The following SERINC2 variants were observed in gnomAD, a reference collection of about 807,000 sequenced individuals.
The protein encoded by SERINC2 is tumor differentially expressed protein 2.
In SERINC2, 56 loss-of-function variants were observed where a neutral mutation model predicts 54.2. The ratio of observed to expected loss-of-function variants is 1.03; its 90% CI spans 0.83 to 1.29. The LOEUF is 1.29. Among genes scored for constraint, SERINC2 ranks in the 50% most tolerant of loss-of-function variants. SERINC2 has a pLI of 0.00. For synonymous variants in SERINC2, 272 were observed against 253.1 expected, an observed-to-expected ratio of 1.07 and a Z score of -0.71; for missense variants, 614 against 607.4, an observed-to-expected ratio of 1.01 and a Z score of -0.12.
intron 4 of SERINC2, 108 bp from the exon 5 acceptor site, chr1:31,425,668 C>T: frequency 7.3e-7 from 1 of 1,374,898 alleles, no homozygotes; most frequent in Non-Finnish European, 1.0e-6. Flanking sequence ...AGGGCAGGGA[C>T]TCTGTTCTTC....
Position 31,431,823 on chromosome 1 carries a change from T to G in SERINC2, c.1014-1144T>G, listed in dbSNP as rs369407295. Among the ~76,000 whole-genome samples the G allele has an allele frequency of 7.1e-3, 200 of 28,242 alleles. 1 individual carries two copies. The highest frequency in any genetic ancestry group is 0.021 in the East Asian group (18 of 868). 18.5% of individuals were successfully genotyped at this position (28,242 alleles called of 152,430 possible). On this transcript the variant is annotated intron_variant, in intron 8 of 9. Transcript: ENST00000373709. ...GGGTGGACAGGGTGGACAGGGTGGA[T>G]AGGGTGGATAGGGTGGATAGGGTGG...
intron 2 of SERINC2, 129 bp downstream of exon 2, chr1:31,423,983 T>C (rs1640967242): frequency 3.5e-6 from 3 of 847,800 alleles, no homozygotes; most frequent in African/African-American, 1.7e-5. Flanking sequence ...ACTGATGATC[T>C]GAGGTTGGAA....
chr1:31,413,971 C>T lies in SERINC2; in HGVS notation c.39+667C>T, dbSNP rs782206490. 6 of 1,529,196 alleles carry T rather than the reference C, an allele frequency of 3.9e-6. No homozygotes were observed. The Middle Eastern group carries it at 5.0e-4, about 128-fold the overall frequency. 94.7% of individuals were successfully genotyped at this position (1,529,196 alleles called of 1,614,324 possible). A position where few individuals can be genotyped will look rare whatever the true frequency, so the allele number is the denominator to read the frequency against. On this transcript the variant is annotated intron_variant, in intron 1 of 9. Coordinates refer to ENST00000373709, the MANE Select transcript of SERINC2 (RefSeq NM_178865.5). The surrounding 1 kb of genome is among the most constrained non-coding windows in gnomAD (Gnocchi z 5.0). Reference sequence around the variant, plus strand: ...CTCGCGCTGCCTCTCAGGCACTTCCCCAGCTCGCCCCGGATCATCTGGGCC... The same window carrying T: ...CTCGCGCTGCCTCTCAGGCACTTCCTCAGCTCGCCCCGGATCATCTGGGCC...
intron 1 of SERINC2, among the ~76,000 whole-genome samples, chr1:31,422,127 C>T (rs12744206): frequency 0.074 from 11,217 of 151,692 alleles, 711 homozygotes; most frequent in East Asian, 0.37. Context: ...GGTGAAACTC[C>T]GTCTCTACAA....
chr1:31,424,213 G>A (rs1325865607), intron 2 of SERINC2, among the ~76,000 whole-genome samples: 1 of 152,156 alleles, frequency 6.6e-6, no homozygotes. Context: ...GGGCATCACC[G>A]TAGGTGCCTT....
chr1:31,419,341 A>G (rs1553132556), intron 1 of SERINC2, among the ~76,000 whole-genome samples: 1 of 152,222 alleles, frequency 6.6e-6, no homozygotes, highest in African/African-American at 2.4e-5. Flanking sequence ...CACAAAACCT[A>G]AAGCTTATTT....
chr1:31,432,742 T>C (rs1243403180), intron 8 of SERINC2, among the ~76,000 whole-genome samples: 2 of 152,132 alleles, frequency 1.3e-5, no homozygotes, highest in Admixed American at 6.5e-5. Context: ...TTATCCCTTA[T>C]TTTACAGACA....
At chr1:31,424,914 C>T (rs782109693) in intron 3 of SERINC2, 41 bp downstream of exon 3, 5 of 1,537,814 alleles carry the variant, frequency 3.3e-6, no homozygotes, top group Admixed American at 1.8e-5. Flanking sequence ...GACCTTCCCC[C>T]AGTGCCTTGC....
At chr1:31,417,526 T>TA (rs1174249807) in intron 1 of SERINC2, among the ~76,000 whole-genome samples, 2 of 152,104 alleles carry the variant, frequency 1.3e-5, no homozygotes, top group African/African-American at 4.8e-5. Context: ...CCCTCCCTTT[T>TA]AAAAAAATTG....
chr1:31,412,388 G>A (rs568513794), upstream of SERINC2, among the ~76,000 whole-genome samples: 1 of 152,298 alleles, frequency 6.6e-6, no homozygotes, highest in Non-Finnish European at 1.5e-5. Context: ...GGAGTGATAA[G>A]CCACCAAGCA....
At chr1:31,422,347 A>G (rs1421384812) in intron 1 of SERINC2, among the ~76,000 whole-genome samples, 2 of 151,818 alleles carry the variant, frequency 1.3e-5, no homozygotes, top group African/African-American at 4.8e-5. Context: ...CCTTCTTTTT[A>G]AAAGATACGG....
chr1:31,410,574 A>T (rs1290192555), upstream of SERINC2: 5 of 1,185,138 alleles, frequency 4.2e-6, no homozygotes, highest in African/African-American at 6.2e-5. Context: ...ATCCCTTTAC[A>T]CATACAGTCA....
At chr1:31,433,909 C>G (rs1159202831) in intron 9 of SERINC2, among the ~76,000 whole-genome samples, 155 bp from the exon 10 acceptor site, 1 of 152,130 alleles carries the variant, frequency 6.6e-6, no homozygotes, top group Non-Finnish European at 1.5e-5. Flanking sequence ...TCCACGGTCA[C>G]AAGGCCGGGT....
intron 9 of SERINC2, among the ~76,000 whole-genome samples, chr1:31,433,542 G>C (rs1417814778): frequency 6.6e-6 from 1 of 152,124 alleles, no homozygotes; most frequent in East Asian, 1.9e-4. Flanking sequence ...AAAGTTACAA[G>C]GTCAAGGATA....
intron 8 of SERINC2, among the ~76,000 whole-genome samples, chr1:31,432,272 TG>T (rs1553134805): frequency 6.6e-5 from 10 of 150,532 alleles, no homozygotes; most frequent in Non-Finnish European, 4.4e-5. Flanking sequence ...CTCAATTTGC[TG>T]GGGTGGCGGG....
chr1:31,432,062 TGGAC>T (rs1641272114), intron 8 of SERINC2, among the ~76,000 whole-genome samples: 9 of 131,952 alleles, frequency 6.8e-5, no homozygotes, highest in African/African-American at 1.6e-4. Context: ...GTGGACAGGG[TGGAC>T]AGGGTGGACA....
chr1:31,423,589 T>G, intron 1 of SERINC2, 104 bp from the exon 2 acceptor site: 6 of 1,222,262 alleles, frequency 4.9e-6, no homozygotes, highest in Non-Finnish European at 6.8e-6. Context: ...AACAGTGTGC[T>G]CCTGCCTAGC....
chr1:31,413,674 C>T lies in SERINC2; in HGVS notation c.39+370C>T. 5 of 934,060 alleles carry T rather than the reference C, an allele frequency of 5.4e-6. No individual in the cohort carries two copies. In the South Asian group the frequency reaches 1.3e-4, roughly 25 times the overall value. The allele number at this position is 934,060 out of a possible 1,614,324, so 57.9% of individuals were successfully genotyped here. On this transcript the variant is annotated intron_variant, in intron 1 of 9. Coordinates refer to ENST00000373709, the MANE Select transcript of SERINC2 (RefSeq NM_178865.5). This position sits in a 1 kb window ranked among gnomAD's most constrained non-coding sequence, Gnocchi z 5.0. ...CCACTTGGGGCGGTCCTCGGGGTGG[C>T]CTCTGTCCCCGTCCCGGACGCCCTG...
intron 9 of SERINC2, among the ~76,000 whole-genome samples, chr1:31,433,450 G>A (rs782596708): frequency 2.6e-5 from 4 of 152,246 alleles, no homozygotes; most frequent in Admixed American, 6.5e-5. Context: ...CAGGGCAGGC[G>A]GGGTTTACAA....
Sources: gnomAD v4.1 joint callset for allele counts (sites outside exome capture counted in the v4.1 genomes callset) on GRCh38, gnomAD v4.1.1 for gene constraint, Gnocchi (gnomAD v3.1) non-coding constraint, MANE v1.5 for transcripts, NCBI Gene and HGNC (gene_info 2026-07-23, HGNC 2026-07-21) for gene names.